The following NRN1L variants were observed in gnomAD, a reference collection of about 807,000 sequenced individuals.
NRN1L encodes neuritin 1 like.
In NRN1L, 12 loss-of-function variants were observed where a neutral mutation model predicts 8.8. That is an observed-to-expected ratio of 1.36 (90% CI 0.87 to 2.20). The LOEUF (loss-of-function observed/expected upper bound fraction) is 2.20, where lower values mean the gene tolerates loss of function less well. NRN1L is among the 30% of genes most tolerant of loss of function. The pLI is 0.00. For synonymous variants in NRN1L, 114 were observed against 99.2 expected, an observed-to-expected ratio of 1.15 and a Z score of -0.88; for missense variants, 266 against 232.4, an observed-to-expected ratio of 1.14 and a Z score of -0.94.
chr16:67,886,084 C>A lies in NRN1L; in HGVS notation c.323C>A (p.Pro108Gln), dbSNP rs114883420. Residue 108 changes from proline to glutamine, a missense_variant, in exon 3 of 3, where the codon CCG becomes CAG. By Grantham distance (76) the Pro-to-Gln change is moderately conservative. Transcript: ENST00000339176. ...CAAGAAGCTCGCCAGGCCCCCCGTCCGAATAACTTGCACACTCTGTGCGGT... is the reference window on the plus strand; with the variant it reads ...CAAGAAGCTCGCCAGGCCCCCCGTCAGAATAACTTGCACACTCTGTGCGGT... Reference protein sequence around the residue: ...LQQEARQAPRPNNLHTLCGAP... With the variant: ...LQQEARQAPRQNNLHTLCGAP... The A allele has an allele frequency of 6.2e-7, 1 of 1,613,394 alleles. No individual in the cohort carries two copies.
rs376322030 is a variant in NRN1L at position 67,885,896 on chromosome 16, T to C, written c.212+42T>C. 150 of 1,576,480 alleles carry C rather than the reference T, an allele frequency of 9.5e-5. 1 individual carries two copies. The highest frequency in any genetic ancestry group is 7.1e-4 in the Admixed American group (41 of 57,516). On this transcript the variant is annotated intron_variant, in intron 2 of 2. Coordinates refer to ENST00000339176, the MANE Select transcript of NRN1L (RefSeq NM_198443.2). ...GGCAGTGGCCCAACCTGTGCCACCATTGGGGACTGAACCTTTTATTTCCCA... is the reference window on the plus strand; with the variant it reads ...GGCAGTGGCCCAACCTGTGCCACCACTGGGGACTGAACCTTTTATTTCCCA...
chr16:67,886,654 C>T (rs2058097639), downstream of NRN1L, among the ~76,000 whole-genome samples: 1 of 152,174 alleles, frequency 6.6e-6, no homozygotes, highest in Admixed American at 6.5e-5. Flanking sequence ...CTCAGCCCTG[C>T]ACTCCTAGCA....
In NRN1L at chr16:67,886,028, G is replaced by C. The variant is rs1346827059; in HGVS notation, c.267G>C (p.Glu89Asp). 34 of 1,614,130 alleles carry C rather than the reference G, an allele frequency of 2.1e-5. No homozygotes were observed. Among genetic ancestry groups the C allele is most frequent in the Non-Finnish European group, 2.8e-5 (33 of 1,179,986 alleles). ...CASQVLSGCP[E>D]EAAAVWESLQ... ...CTCAGGTCCTGTCAGGCTGTCCGGA[G>C]GAGGCAGCTGCAGTGTGGGAATCAC... Residue 89 changes from glutamate (E) to aspartate (D), a missense_variant, in exon 3 of 3, where the codon GAG (glutamate) becomes GAC (aspartate). Glu to Asp is a conservative substitution (Grantham distance 45, BLOSUM62 2). Coordinates refer to ENST00000339176, the MANE Select transcript of NRN1L (RefSeq NM_198443.2).
At chr16:67,885,613 T>C in intron 1 of NRN1L, 109 bp from the exon 2 acceptor site, 1 of 832,238 alleles carries the variant, frequency 1.2e-6, no homozygotes. Flanking sequence ...TTCCGCTGAG[T>C]CACATCCCCA....
At position 67,885,695 on chromosome 16, in the gene NRN1L, CCCACCCCA is replaced by C; in HGVS notation, c.80-24_80-17del. ...GGCTCATCCTATCTACCATTCCTTC[CCCACCCCA>C]CCCCCGCCCCACTTCTAGTCCTTTT... On this transcript the variant is annotated intron_variant, in intron 1 of 2. Transcript: ENST00000339176. 3 of 1,073,536 alleles carry C rather than the reference CCCACCCCA, an allele frequency of 2.8e-6. No homozygotes were observed. Among genetic ancestry groups the C allele is most frequent in the Non-Finnish European group, 4.1e-6 (3 of 737,228 alleles). The allele number at this position is 1,073,536 out of a possible 1,614,324, so 66.5% of individuals were successfully genotyped here.
At position 67,886,179 on chromosome 16, in the gene NRN1L, C is replaced by T. The variant is rs2058095879; in HGVS notation, c.418C>T (p.Pro140Ser). 1.2e-6 allele frequency: 2 copies of T among 1,605,286 alleles called. No individual in the cohort carries two copies. Among genetic ancestry groups the T allele is most frequent in the African/African-American group, 1.3e-5 (1 of 75,022 alleles). ...TNQETLRATAPALPMAPAPPL... is the reference protein window; with the variant it reads ...TNQETLRATASALPMAPAPPL... ...CCAGGAGACGCTGCGGGCTACAGCG[C>T]CTGCACTCCCCATGGCCCCTGCGCC... Residue 140 changes from proline to serine, a missense_variant, in exon 3 of 3, where the codon CCT (proline) becomes TCT (serine). Coordinates refer to ENST00000339176, the MANE Select transcript of NRN1L (RefSeq NM_198443.2).
chr16:67,885,693 T>TCCCCCCCCCCCCCCCC, intron 1 of NRN1L, 29 bp from the exon 2 acceptor site: 34 of 1,257,158 alleles, frequency 2.7e-5, no homozygotes, highest in South Asian at 5.7e-5. Context: ...TACCATTCCT[T>TCCCCCCCCCCCCCCCC]CCCCACCCCA....
rs927171125 is a variant in NRN1L at position 67,885,296 on chromosome 16, C to G, written c.79+314C>G. The stretch of plus-strand genomic sequence containing the variant: ...GGATCCCAATACCTCTGCATCCTGC[C>G]TTGTCTCTCCAAAAATATTTATCTT... On this transcript the variant is annotated intron_variant, in intron 1 of 2. Coordinates refer to ENST00000339176, the MANE Select transcript of NRN1L (RefSeq NM_198443.2). The G allele has an allele frequency of 5.6e-6, 3 of 536,684 alleles. No homozygotes were observed. The South Asian group carries it at 6.9e-5, about 12-fold the overall frequency. The allele number at this position is 536,684 out of a possible 1,614,324, so 33.2% of individuals were successfully genotyped here.
chr16:67,885,702 C>CCCCCCCCCCCCCCCAAAA lies in NRN1L; in HGVS notation c.80-20_80-19insCCCCCCCCCCCCCCAAAA. 1 of 1,199,904 alleles carries CCCCCCCCCCCCCCCAAAA rather than the reference C, an allele frequency of 8.3e-7. No individual in the cohort carries two copies. Among genetic ancestry groups the CCCCCCCCCCCCCCCAAAA allele is most frequent in the Admixed American group, 2.3e-5 (1 of 43,336 alleles). 74.3% of individuals were successfully genotyped at this position (1,199,904 alleles called of 1,614,324 possible). On this transcript the variant is annotated intron_variant, in intron 1 of 2. Transcript: ENST00000339176. Reference sequence around the variant, plus strand: ...CCTATCTACCATTCCTTCCCCACCCCACCCCCGCCCCACTTCTAGTCCTTT... The same window carrying CCCCCCCCCCCCCCCAAAA: ...CCTATCTACCATTCCTTCCCCACCCCCCCCCCCCCCCCCCAAAAACCCCCGCCCCACTTCTAGTCCTTT...
chr16:67,885,713 C>CCCCCCA lies in NRN1L; in HGVS notation c.80-9_80-8insCCCCCA. The CCCCCCA allele has an allele frequency of 6.6e-6, 10 of 1,509,702 alleles. No individual in the cohort carries two copies. Among genetic ancestry groups the CCCCCCA allele is most frequent in the African/African-American group, 1.4e-5 (1 of 71,944 alleles). The allele number at this position is 1,509,702 out of a possible 1,614,324, so 93.5% of individuals were successfully genotyped here. On this transcript the variant is annotated splice_polypyrimidine_tract_variant and intron_variant, in intron 1 of 2. Coordinates refer to ENST00000339176, the MANE Select transcript of NRN1L (RefSeq NM_198443.2). ...TTCCTTCCCCACCCCACCCCCGCCC[C>CCCCCCA]ACTTCTAGTCCTTTTACCTCCCCTG...
At position 67,885,756 on chromosome 16, in the gene NRN1L, C is replaced by A; in HGVS notation, c.114C>A (p.Gly38=). 1 of 1,583,948 alleles carries A rather than the reference C, an allele frequency of 6.3e-7. No individual in the cohort carries two copies. The change falls in exon 2 of 3, where the codon GGC becomes GGA. Residue 38 remains glycine, a synonymous_variant. Coordinates refer to ENST00000339176, the MANE Select transcript of NRN1L (RefSeq NM_198443.2). ...LLPPLAAAAA[G]PNRCDTIYQG... Reference sequence around the variant, plus strand: ...CTCCCCTGGCAGCAGCTGCAGCGGGCCCAAACCGATGTGACACCATATACC... The same window carrying A: ...CTCCCCTGGCAGCAGCTGCAGCGGGACCAAACCGATGTGACACCATATACC...
downstream of NRN1L, chr16:67,886,403 C>A (rs1307954790): frequency 1.2e-6 from 1 of 821,364 alleles, no homozygotes; most frequent in Non-Finnish European, 1.8e-6. Context: ...TGTGGCCTTG[C>A]TTGCGGCTGG....
chr16:67,886,821 A>C (rs2058098184), downstream of NRN1L, among the ~76,000 whole-genome samples: 1 of 152,112 alleles, frequency 6.6e-6, no homozygotes, highest in African/African-American at 2.4e-5. Flanking sequence ...AGCACAGACT[A>C]TGTGCTCAGT....
rs2151307142 is a variant in NRN1L at position 67,884,949 on chromosome 16, C to T, written c.46C>T (p.His16Tyr). ...RRRCCCRQPP[H>Y]ALRPLLLLPL... Reference sequence around the variant, plus strand: ...CCGCTGCTGCTGCCGGCAACCACCCCATGCCCTGAGGCCGTTGCTGTTGCT... The same window carrying T: ...CCGCTGCTGCTGCCGGCAACCACCCTATGCCCTGAGGCCGTTGCTGTTGCT... Residue 16 changes from histidine to tyrosine, a missense_variant, in exon 1 of 3, where the codon CAT (histidine) becomes TAT (tyrosine). His to Tyr is a moderately conservative substitution (Grantham distance 83). Coordinates refer to ENST00000339176, the MANE Select transcript of NRN1L (RefSeq NM_198443.2). This position sits in a 1 kb window ranked among gnomAD's most constrained non-coding sequence, Gnocchi z 4.1. The T allele has an allele frequency of 1.2e-6, 2 of 1,608,206 alleles. No homozygotes were observed. Among genetic ancestry groups the T allele is most frequent in the East Asian group, 2.2e-5 (1 of 44,870 alleles).
In NRN1L at chr16:67,884,894, T is replaced by C. The variant is rs756142116; in HGVS notation, c.-10T>C. The C allele has an allele frequency of 6.2e-7, 1 of 1,603,542 alleles. No homozygotes were observed. The highest frequency in any genetic ancestry group is 8.5e-7 in the Non-Finnish European group (1 of 1,179,550). Reference sequence around the variant, plus strand: ...AGCAGCTAGCTCCTGCACTAGGCTCTCAGCCAGGGATGATGCGCTGCTGCC... The same window carrying C: ...AGCAGCTAGCTCCTGCACTAGGCTCCCAGCCAGGGATGATGCGCTGCTGCC... On this transcript the variant is annotated 5_prime_UTR_variant, in exon 1 of 3. Coordinates refer to ENST00000339176, the MANE Select transcript of NRN1L (RefSeq NM_198443.2). The surrounding 1 kb of genome is among the most constrained non-coding windows in gnomAD (Gnocchi z 4.1).
In NRN1L at chr16:67,884,909, G is replaced by A. The variant is rs147414083; in HGVS notation, c.6G>A (p.Met2Ile). The A allele has an allele frequency of 6.9e-6, 11 of 1,604,850 alleles. No individual in the cohort carries two copies. The highest frequency in any genetic ancestry group is 5.5e-5 in the South Asian group (5 of 91,084). M[M>I]RCCRRRCCCR... ...CACTAGGCTCTCAGCCAGGGATGAT[G>A]CGCTGCTGCCGCCGCCGCTGCTGCT... is the stretch of plus-strand genomic sequence containing the variant. The change falls in exon 1 of 3, where the codon ATG (methionine) becomes ATA (isoleucine). Residue 2 changes from methionine (M) to isoleucine (I), a missense_variant. Transcript: ENST00000339176. This position sits in a 1 kb window ranked among gnomAD's most constrained non-coding sequence, Gnocchi z 4.1.
rs763057997 is a variant in NRN1L at position 67,884,921 on chromosome 16, C to G, written c.18C>G (p.Arg6=). The G allele has an allele frequency of 9.3e-6, 15 of 1,605,942 alleles. No homozygotes were observed. The highest frequency in any genetic ancestry group is 1.3e-5 in the African/African-American group (1 of 74,920). The change falls in exon 1 of 3, where the codon CGC becomes CGG. Residue 6 remains arginine (R), a synonymous_variant. Transcript: ENST00000339176. This position sits in a 1 kb window ranked among gnomAD's most constrained non-coding sequence, Gnocchi z 4.1. ...AGCCAGGGATGATGCGCTGCTGCCGCCGCCGCTGCTGCTGCCGGCAACCAC... is the reference window on the plus strand; with the variant it reads ...AGCCAGGGATGATGCGCTGCTGCCGGCGCCGCTGCTGCTGCCGGCAACCAC... The part of the protein sequence containing the change: MMRCC[R]RRCCCRQPPH...
intron 1 of NRN1L, chr16:67,885,227 A>G (rs1337833343): frequency 2.4e-5 from 14 of 594,772 alleles, no homozygotes; most frequent in Non-Finnish European, 3.9e-5. Context: ...CAGGACTTAT[A>G]GACCAGTCGT....
chr16:67,886,592 T>G (rs914557248), downstream of NRN1L, among the ~76,000 whole-genome samples: 2 of 152,214 alleles, frequency 1.3e-5, no homozygotes, highest in Non-Finnish European at 2.9e-5. Context: ...TCTGCCAGAA[T>G]GCACAGTCTT....
Sources: allele counts gnomAD v4.1 joint callset (sites outside exome capture counted in the v4.1 genomes callset), GRCh38; gene constraint gnomAD v4.1.1; non-coding constraint Gnocchi (gnomAD v3.1); transcripts MANE v1.5; gene names NCBI Gene and HGNC (gene_info 2026-07-23, HGNC 2026-07-21).